SLC10A7: variants seen among roughly 807,000 people sequenced by gnomAD.
SLC10A7 encodes the protein sodium/bile acid cotransporter 7.
In SLC10A7, 29 loss-of-function variants were observed where a neutral mutation model predicts 43.2. That is an observed-to-expected ratio of 0.67 (90% CI 0.50 to 0.92). SLC10A7 has a LOEUF of 0.92. Ranked by LOEUF, SLC10A7 falls within the 40% of genes least tolerant of loss-of-function variation. The pLI, the probability that SLC10A7 is intolerant of heterozygous loss-of-function variation, is 0.00. For missense variants in SLC10A7, 295 were observed against 403.2 expected (o/e 0.73, Z 2.30); for synonymous variants, 152 against 144.8 (o/e 1.05, Z -0.35).
intron 6 of SLC10A7, among the ~76,000 whole-genome samples, chr4:146,310,835 C>A (rs1031753820): frequency 2.6e-5 from 4 of 151,904 alleles, no homozygotes; most frequent in African/African-American, 9.7e-5. Flanking sequence ...AGCCCTCACA[C>A]TTAACTCTTT....
chr4:146,467,539 G>C (rs1215262472), intron 4 of SLC10A7, among the ~76,000 whole-genome samples: 4 of 131,134 alleles, frequency 3.1e-5, no homozygotes, highest in Non-Finnish European at 1.7e-5. Flanking sequence ...ATGTTTTTTT[G>C]CCCTTTTCTT....
At chr4:146,395,232 T>C (rs1738735783) in intron 5 of SLC10A7, among the ~76,000 whole-genome samples, 1 of 152,054 alleles carries the variant, frequency 6.6e-6, no homozygotes, top group African/African-American at 2.4e-5. Flanking sequence ...AAATTTAACT[T>C]AGCCAGGCAA....
intron 5 of SLC10A7, among the ~76,000 whole-genome samples, chr4:146,344,775 C>G (rs1734501809): frequency 6.6e-6 from 1 of 152,052 alleles, no homozygotes; most frequent in Non-Finnish European, 1.5e-5. Context: ...AACAATAGTA[C>G]TCTTCCCACT....
At chr4:146,472,696 G>A (rs1003527733) in intron 4 of SLC10A7, among the ~76,000 whole-genome samples, 1 of 152,130 alleles carries the variant, frequency 6.6e-6, no homozygotes, top group Non-Finnish European at 1.5e-5. Context: ...GGCAGCTAGA[G>A]CTAGCTCAAC....
chr4:146,460,213 C>G (rs1317024135), intron 4 of SLC10A7, among the ~76,000 whole-genome samples: 1 of 151,888 alleles, frequency 6.6e-6, no homozygotes, highest in East Asian at 1.9e-4. Flanking sequence ...AGGATGTGGA[C>G]CAATGAGGAC....
chr4:146,363,609 A>G lies in SLC10A7; in HGVS notation c.436-37613T>C, dbSNP rs114937701. On this transcript the variant is annotated intron_variant, in intron 5 of 11. Transcript: ENST00000335472. The stretch of plus-strand genomic sequence containing the variant: ...AGAATAGACCATGTGGTAGGCCACA[A>G]ACAAATCTCAAACAATTTAAAAAAA... 3.5e-3 allele frequency among the ~76,000 whole-genome samples: 530 copies of G among 152,314 alleles called. 5 individuals are homozygous for G. Among genetic ancestry groups the G allele is most frequent in the African/African-American group, 0.012 (487 of 41,590 alleles).
chr4:146,389,604 T>C (rs762681347), intron 5 of SLC10A7, among the ~76,000 whole-genome samples: 3 of 152,204 alleles, frequency 2.0e-5, no homozygotes, highest in Non-Finnish European at 2.9e-5. Flanking sequence ...AAGCTATAAG[T>C]AGTGCCAAGA....
intron 4 of SLC10A7, among the ~76,000 whole-genome samples, chr4:146,451,244 A>AAAAAC (rs1553975827): frequency 2.0e-4 from 30 of 149,088 alleles, no homozygotes; most frequent in Non-Finnish European, 8.9e-5. Flanking sequence ...AAAAAAAAAA[A>AAAAAC]AAAAAACAAA....
chr4:146,328,612 C>T (rs1733319570), intron 5 of SLC10A7, among the ~76,000 whole-genome samples: 2 of 152,152 alleles, frequency 1.3e-5, no homozygotes, highest in Admixed American at 1.3e-4. Flanking sequence ...ACTCTGCACT[C>T]CACCACCACC....
intron 4 of SLC10A7, among the ~76,000 whole-genome samples, chr4:146,489,577 T>C (rs937995163): frequency 1.3e-5 from 2 of 152,192 alleles, no homozygotes; most frequent in Non-Finnish European, 2.9e-5. Flanking sequence ...CATCCCTTAT[T>C]GTGCAAGGGG....
At chr4:146,441,412 C>T (rs1162204504) in intron 5 of SLC10A7, among the ~76,000 whole-genome samples, 2 of 152,144 alleles carry the variant, frequency 1.3e-5, no homozygotes, top group Non-Finnish European at 2.9e-5. Context: ...GTTTTAGTCA[C>T]TCAGACAATT....
intron 4 of SLC10A7, among the ~76,000 whole-genome samples, chr4:146,470,575 T>C (rs1391338607): frequency 2.0e-5 from 3 of 152,166 alleles, no homozygotes; most frequent in Admixed American, 1.3e-4. Context: ...ATTACCTTTT[T>C]GGAAAGAAGT....
At chr4:146,290,884 A>C (rs534583904) in intron 9 of SLC10A7, among the ~76,000 whole-genome samples, 65 of 152,238 alleles carry the variant, frequency 4.3e-4, no homozygotes, top group African/African-American at 1.2e-3. Flanking sequence ...CCAAACCAAA[A>C]CAAAACAAAA....
intron 7 of SLC10A7, among the ~76,000 whole-genome samples, chr4:146,300,836 T>C (rs1347284809): frequency 6.6e-6 from 1 of 152,212 alleles, no homozygotes. Flanking sequence ...GTCATTGTTA[T>C]TGAGTACCTA....
chr4:146,320,427 T>C (rs563865163), intron 6 of SLC10A7, among the ~76,000 whole-genome samples: 1 of 151,872 alleles, frequency 6.6e-6, no homozygotes, highest in East Asian at 1.9e-4. Context: ...GTTAGATGGA[T>C]CGTAAAGGTG....
At chr4:146,449,101 C>A (rs1279209082) in intron 4 of SLC10A7, among the ~76,000 whole-genome samples, 2 of 152,174 alleles carry the variant, frequency 1.3e-5, no homozygotes, top group East Asian at 3.9e-4. Flanking sequence ...AAATTCCACA[C>A]TGGGCCACCA....
Position 146,258,680 on chromosome 4 carries a change from C to T in SLC10A7, c.993+12G>A. 6.4e-7 allele frequency: 1 copy of T among 1,573,640 alleles called. No homozygotes were observed. The highest frequency in any genetic ancestry group is 8.6e-7 in the Non-Finnish European group (1 of 1,168,478). On this transcript the variant is annotated intron_variant, in intron 11 of 11. Transcript: ENST00000335472. ...TAACTTGGATCCAAATAAGATCTTT[C>T]TGGGGACTCACCTTCTGCCTTGATA...
chr4:146,272,121 T>C (rs1025648238), intron 10 of SLC10A7, among the ~76,000 whole-genome samples: 7 of 152,180 alleles, frequency 4.6e-5, no homozygotes, highest in South Asian at 2.1e-4. Context: ...GCAGGGCACA[T>C]AGTAAGTACC....
chr4:146,436,133 T>C (rs932516379), intron 5 of SLC10A7, among the ~76,000 whole-genome samples: 4 of 152,120 alleles, frequency 2.6e-5, no homozygotes, highest in Non-Finnish European at 5.9e-5. Flanking sequence ...GTCATTCCTA[T>C]AATTAAATCT....
Sources: gnomAD v4.1 joint callset for allele counts (sites outside exome capture counted in the v4.1 genomes callset) on GRCh38, gnomAD v4.1.1 for gene constraint, MANE v1.5 for transcripts, NCBI Gene and HGNC (gene_info 2026-07-23, HGNC 2026-07-21) for gene names.